DNAH14: variants seen among roughly 807,000 people sequenced by gnomAD.
The protein encoded by DNAH14 is axonemal beta dynein heavy chain 14.
A neutral mutation model predicts 520.9 loss-of-function variants in DNAH14; 478 were observed. The observed-to-expected ratio is 0.92, with a 90% confidence interval of 0.85 to 0.99. The LOEUF (loss-of-function observed/expected upper bound fraction) is 0.99, where lower values mean the gene tolerates loss of function less well. Ranked by LOEUF, DNAH14 falls within the 50% of genes least tolerant of loss-of-function variation. DNAH14 has a pLI of 0.00. For missense variants in DNAH14, 4,831 were observed against 5,234.5 expected (o/e 0.92, Z 2.38); for synonymous variants, 1,581 against 1,757.2 (o/e 0.90, Z 2.51).
At position 225,100,708 on chromosome 1, in the gene DNAH14, T is replaced by C; in HGVS notation, c.3696-5T>C. ...ATAAAATGACATCTAATTTTTTTTC[T>C]AAAGGCAACTCCCAGCAGAAACAGA... is the stretch of plus-strand genomic sequence containing the variant. On this transcript the variant is annotated splice_region_variant and splice_polypyrimidine_tract_variant and intron_variant, in intron 22 of 85. Coordinates refer to ENST00000682510, the MANE Select transcript of DNAH14 (RefSeq NM_001367479.1). The C allele has an allele frequency of 2.7e-6, 4 of 1,471,558 alleles. No homozygotes were observed. Among genetic ancestry groups the C allele is most frequent in the Non-Finnish European group, 3.6e-6 (4 of 1,116,516 alleles). The allele number at this position is 1,471,558 out of a possible 1,614,324, so 91.2% of individuals were successfully genotyped here.
At chr1:225,275,287 A>G (rs1157757046) in intron 52 of DNAH14, among the ~76,000 whole-genome samples, 1 of 152,232 alleles carries the variant, frequency 6.6e-6, no homozygotes, top group East Asian at 1.9e-4. Context: ...CCTGCCTCCA[A>G]GCACATTACA....
intron 31 of DNAH14, among the ~76,000 whole-genome samples, chr1:225,149,907 G>C (rs2080321010): frequency 6.6e-6 from 1 of 152,106 alleles, no homozygotes; most frequent in African/African-American, 2.4e-5. Context: ...TCTCTTGCCT[G>C]ATTGCTCTGG....
intron 56 of DNAH14, 39 bp from the exon 57 acceptor site, chr1:225,303,117 G>C (rs150572153): frequency 7.6e-7 from 1 of 1,323,722 alleles, no homozygotes; most frequent in Admixed American, 2.9e-5. Flanking sequence ...CAAAACAGTG[G>C]ATTACATTTT....
At chr1:225,063,791 C>T (rs1476546911) in intron 17 of DNAH14, among the ~76,000 whole-genome samples, 1 of 151,552 alleles carries the variant, frequency 6.6e-6, no homozygotes, top group Non-Finnish European at 1.5e-5. Context: ...CTGAGGAGCG[C>T]TCAATGAAAT....
At chr1:225,269,442 C>A (rs550337128) in intron 49 of DNAH14, among the ~76,000 whole-genome samples, 3 of 152,258 alleles carry the variant, frequency 2.0e-5, no homozygotes, top group African/African-American at 4.8e-5. Flanking sequence ...GTCTAAAACA[C>A]CAAAAGCAAT....
At chr1:225,112,533 T>C (rs975358539) in intron 23 of DNAH14, among the ~76,000 whole-genome samples, 8 of 150,760 alleles carry the variant, frequency 5.3e-5, no homozygotes, top group African/African-American at 2.0e-4. Flanking sequence ...AAGTTTTCTG[T>C]TATTATTCAT....
intron 76 of DNAH14, 51 bp from the exon 77 acceptor site, chr1:225,367,754 C>A: frequency 7.8e-7 from 1 of 1,289,936 alleles, no homozygotes; most frequent in Non-Finnish European, 1.1e-6. Flanking sequence ...CCCTGAAGAC[C>A]AGTGCCTGCA....
chr1:225,380,484 CAGAG>C (rs1169549860), intron 80 of DNAH14, among the ~76,000 whole-genome samples, 162 bp downstream of exon 80: 1 of 152,208 alleles, frequency 6.6e-6, no homozygotes, highest in African/African-American at 2.4e-5. Flanking sequence ...AGTTGAAAGA[CAGAG>C]AGCACAGAAG....
At chr1:224,948,294 T>C (rs1346355011) in intron 1 of DNAH14, among the ~76,000 whole-genome samples, 1 of 152,022 alleles carries the variant, frequency 6.6e-6, no homozygotes, top group Middle Eastern at 3.4e-3. Flanking sequence ...TTTATTTTCC[T>C]GGCAAAATGA....
chr1:225,180,854 T>C (rs912223861), intron 36 of DNAH14, among the ~76,000 whole-genome samples: 2 of 152,238 alleles, frequency 1.3e-5, no homozygotes, highest in African/African-American at 4.8e-5. Context: ...ACTTACAGCG[T>C]ACATGTACAG....
rs2147805817 is a variant in DNAH14, at chr1:225,002,782, G to C, written c.831-1G>C. ...ATCTGTAGAAATTTTTTAACTTTCAGGTCATTTTTGTACCACCATCTTTTT... is the reference window on the plus strand; with the variant it reads ...ATCTGTAGAAATTTTTTAACTTTCACGTCATTTTTGTACCACCATCTTTTT... On this transcript the variant is annotated splice_acceptor_variant, in intron 8 of 85. Transcript: ENST00000682510. LOFTEE classifies it high-confidence loss of function. The C allele has an allele frequency of 6.5e-7, 1 of 1,547,642 alleles. No homozygotes were observed. Among genetic ancestry groups the C allele is most frequent in the Non-Finnish European group, 8.7e-7 (1 of 1,145,226 alleles).
chr1:225,190,737 G>GA (rs1267816238), intron 37 of DNAH14, among the ~76,000 whole-genome samples: 1 of 152,042 alleles, frequency 6.6e-6, no homozygotes, highest in Non-Finnish European at 1.5e-5. Context: ...AAGACACAGT[G>GA]AGAAGGCAGT....
intron 34 of DNAH14, among the ~76,000 whole-genome samples, chr1:225,156,531 C>T (rs940027175): frequency 4.6e-5 from 7 of 152,106 alleles, no homozygotes; most frequent in African/African-American, 1.7e-4. Context: ...ACTAAAGTAA[C>T]ATAACCTCAG....
intron 23 of DNAH14, among the ~76,000 whole-genome samples, 198 bp downstream of exon 23, chr1:225,101,082 A>G (rs2075404590): frequency 6.6e-6 from 1 of 152,078 alleles, no homozygotes; most frequent in Admixed American, 6.6e-5. Context: ...AATCTAAATG[A>G]CCATTGGTAA....
intron 11 of DNAH14, chr1:225,024,480 C>A (rs910210199): frequency 1.9e-5 from 3 of 154,314 alleles, no homozygotes; most frequent in African/African-American, 7.2e-5. Flanking sequence ...TACTTTGTAG[C>A]TGGTAAACAG....
upstream of DNAH14, chr1:224,929,665 G>A: frequency 1.4e-6 from 1 of 702,454 alleles, no homozygotes; most frequent in East Asian, 2.7e-5. Flanking sequence ...GGGCGCAGGC[G>A]TGGCTCTTGG....
chr1:225,031,970 A>G (rs2066563630), intron 11 of DNAH14, among the ~76,000 whole-genome samples: 1 of 151,878 alleles, frequency 6.6e-6, no homozygotes, highest in African/African-American at 2.4e-5. Context: ...CTCGGTTTTT[A>G]ATTGTTGAAA....
At chr1:225,013,355 G>A (rs1276927010) in intron 10 of DNAH14, among the ~76,000 whole-genome samples, 1 of 152,064 alleles carries the variant, frequency 6.6e-6, no homozygotes, top group Non-Finnish European at 1.5e-5. Flanking sequence ...GTCTCAGGGG[G>A]ACCCACCAGA....
chr1:225,347,525 C>T lies in DNAH14; in HGVS notation c.11296+871C>T, dbSNP rs1239108029. On this transcript the variant is annotated intron_variant, in intron 71 of 85. Transcript: ENST00000682510. ...CCAGTGTTCTGGCTTGTCTAGGGGC[C>T]TCCCAAGGGACTAGTTTTTGTCTTG... Among the ~76,000 whole-genome samples the T allele has an allele frequency of 2.0e-5, 3 of 152,134 alleles. No homozygotes were observed. In the East Asian group the frequency reaches 5.8e-4, roughly 29 times the overall value.
Sources: allele counts gnomAD v4.1 joint callset (sites outside exome capture counted in the v4.1 genomes callset), GRCh38; gene constraint gnomAD v4.1.1; transcripts MANE v1.5; gene names NCBI Gene and HGNC (gene_info 2026-07-23, HGNC 2026-07-21).